The following SQSTM1 variants were observed in gnomAD, a reference collection of about 807,000 sequenced individuals.
SQSTM1 encodes the protein sequestosome-1.
Under a neutral mutation model 45.1 loss-of-function variants are expected in SQSTM1, and 36 were observed. The observed-to-expected ratio is 0.80, with a 90% CI of 0.61 to 1.05. The LOEUF is 1.05. Among genes scored for constraint, SQSTM1 ranks in the 50% least tolerant of loss-of-function variants. The probability of loss-of-function intolerance (pLI) is 0.00; values close to 1 mark genes in which losing one functional copy is unlikely to be tolerated. For synonymous variants in SQSTM1, 290 were observed against 244.3 expected (o/e 1.19, Z -1.74); for missense variants, 617 against 607.1 (o/e 1.02, Z -0.17).
At chr5:179,807,706 G>T (rs903495121) in intron 1 of SQSTM1, 2 of 152,416 alleles carry the variant, frequency 1.3e-5, no homozygotes, top group African/African-American at 4.8e-5. Context: ...AGGCTGCAGT[G>T]CAGTGGCGCA....
At position 179,809,182 on chromosome 5, in the gene SQSTM1, G is replaced by A. The variant is rs1197493499; in HGVS notation, c.-156-2392G>A. Among the ~76,000 whole-genome samples, 15 of 132,188 alleles carry A rather than the reference G, an allele frequency of 1.1e-4. No individual in the cohort carries two copies. The South Asian group carries it at 2.9e-3, about 25-fold the overall frequency. 86.7% of individuals were successfully genotyped at this position (132,188 alleles called of 152,430 possible). A position where few individuals can be genotyped will look rare whatever the true frequency, so the allele number is the denominator to read the frequency against. ...TTTTTTTTTTTTTTTTTTTTAAGAC[G>A]GAGTCTCGGTCTGTCGCCCAGGTTG... On this transcript the variant is annotated intron_variant, in intron 1 of 5. Transcript: ENST00000514093.
rs900799827 is a variant in SQSTM1, at chr5:179,836,190, T to C, written c.1166-246T>C. 1.8e-5 allele frequency: 11 copies of C among 596,540 alleles called. No homozygotes were observed. The Admixed American group carries it at 2.9e-4, about 16-fold the overall frequency. The allele number at this position is 596,540 out of a possible 1,614,324, so 37.0% of individuals were successfully genotyped here. A position where few individuals can be genotyped will look rare whatever the true frequency, so the allele number is the denominator to read the frequency against. On this transcript the variant is annotated intron_variant, in intron 7 of 7. Transcript: ENST00000389805. ...GTGAAATGCCTATTTCAGTGTCCAT[T>C]GATGGTTCTGCTTACACACCACCTG...
chr5:179,833,759 C>A lies in SQSTM1; in HGVS notation c.1142C>A (p.Ala381Asp), dbSNP rs772122047. Residue 381 changes from alanine to aspartate, a missense_variant, in exon 7 of 8, where the codon GCC becomes GAC. By Grantham distance (126) the Ala-to-Asp change is moderately radical (BLOSUM62 -2). Transcript: ENST00000389805. ...GGACCCACAGGGCTGAAGGAAGCTG[C>A]CTTGTACCCACATCTCCCGCCAGGC... is the stretch of plus-strand genomic sequence containing the variant. ...QEGPTGLKEA[A>D]LYPHLPPEAD... 1.2e-6 allele frequency: 2 copies of A among 1,613,968 alleles called. No individual in the cohort carries two copies. Among genetic ancestry groups the A allele is most frequent in the Admixed American group, 3.3e-5 (2 of 59,994 alleles).
At chr5:179,818,302 C>T (rs1210502939), upstream of SQSTM1, among the ~76,000 whole-genome samples, 1 of 152,148 alleles carries the variant, frequency 6.6e-6, no homozygotes, top group Non-Finnish European at 1.5e-5. Context: ...CAGACCAGGA[C>T]CTCTGTAGAG....
In SQSTM1 at chr5:179,836,662, G is replaced by A. The variant is rs1230196656; in HGVS notation, c.*69G>A. On this transcript the variant is annotated 3_prime_UTR_variant, in exon 8 of 8. Transcript: ENST00000389805. Reference sequence around the variant, plus strand: ...AGTTGTGTTAAGCTTGCGTAGAATTGCAGGTCTCTGTACGGGCCAGTTTCT... The same window carrying A: ...AGTTGTGTTAAGCTTGCGTAGAATTACAGGTCTCTGTACGGGCCAGTTTCT... The A allele has an allele frequency of 6.2e-7, 1 of 1,609,994 alleles. No homozygotes were observed. Among genetic ancestry groups the A allele is most frequent in the East Asian group, 2.2e-5 (1 of 44,866 alleles).
rs779531319 is a variant in SQSTM1, at chr5:179,836,610, C to G, written c.*17C>G. 11 of 1,611,570 alleles carry G rather than the reference C, an allele frequency of 6.8e-6. No homozygotes were observed. The highest frequency in any genetic ancestry group is 4.5e-5 in the East Asian group (2 of 44,896). The stretch of plus-strand genomic sequence containing the variant: ...CCGTTGTGACCACTTTTGCCCACCT[C>G]TTCTGCGTGCCCCTCTTCTGTCTCA... On this transcript the variant is annotated 3_prime_UTR_variant, in exon 8 of 8. Transcript: ENST00000389805.
chr5:179,831,030 C>T (rs561673236), intron 5 of SQSTM1, among the ~76,000 whole-genome samples: 21 of 152,176 alleles, frequency 1.4e-4, no homozygotes, highest in South Asian at 4.1e-4. Flanking sequence ...CCAGCTAAAA[C>T]GATCAAGTAT....
chr5:179,818,584 G>T (rs577939942), upstream of SQSTM1, among the ~76,000 whole-genome samples: 169 of 152,280 alleles, frequency 1.1e-3, no homozygotes, highest in African/African-American at 3.9e-3. Flanking sequence ...TGCCCCGGCT[G>T]GTCTCCTGGG....
chr5:179,816,812 C>T (rs1411853650), upstream of SQSTM1, among the ~76,000 whole-genome samples: 4 of 152,186 alleles, frequency 2.6e-5, no homozygotes, highest in Non-Finnish European at 5.9e-5. Flanking sequence ...CTTTTCAGGA[C>T]CTTGCGCACT....
At chr5:179,825,312 A>G (rs1757947262) in intron 5 of SQSTM1, 86 bp downstream of exon 5, 2 of 1,165,798 alleles carry the variant, frequency 1.7e-6, no homozygotes, top group Non-Finnish European at 2.6e-6. Context: ...AGGAATGGGT[A>G]ATTGACATGC....
intron 2 of SQSTM1, chr5:179,812,665 A>C (rs1193479164): frequency 6.6e-6 from 1 of 152,326 alleles, no homozygotes. Context: ...GGTGCAGTGC[A>C]GCAGCCAGCT....
intron 1 of SQSTM1, chr5:179,808,220 T>TGGGGCTGAGTGGAATC (rs1757269140): frequency 6.6e-6 from 1 of 152,212 alleles, no homozygotes. Context: ...GGCCCACACC[T>TGGGGCTGAGTGGAATC]GGGGCTGAGT....
In SQSTM1 at chr5:179,838,015, G is replaced by T; in HGVS notation, c.*1422G>T. On this transcript the variant is annotated 3_prime_UTR_variant, in exon 8 of 8. Coordinates refer to ENST00000389805, the MANE Select transcript of SQSTM1 (RefSeq NM_003900.5). ...TTTCTGCTGGAAGCTGTCAGGCTGG[G>T]ACAGGCTTTGATTTTGAGGGTTAGC... is the stretch of plus-strand genomic sequence containing the variant. 1.2e-6 allele frequency: 1 copy of T among 834,312 alleles called. No individual in the cohort carries two copies. The highest frequency in any genetic ancestry group is 1.8e-5 in the South Asian group (1 of 56,488). 51.7% of individuals were successfully genotyped at this position (834,312 alleles called of 1,614,324 possible). A position where few individuals can be genotyped will look rare whatever the true frequency, so the allele number is the denominator to read the frequency against.
At chr5:179,812,206 T>C (rs115594816) in intron 2 of SQSTM1, 1 of 152,282 alleles carries the variant, frequency 6.6e-6, no homozygotes, top group South Asian at 2.1e-4. Context: ...AAGGCTGTTA[T>C]GCATGCAGGG....
intron 1 of SQSTM1, among the ~76,000 whole-genome samples, chr5:179,821,919 C>T (rs1023116371): frequency 6.6e-6 from 1 of 151,588 alleles, no homozygotes; most frequent in Non-Finnish European, 1.5e-5. Flanking sequence ...TGGAGCGCTG[C>T]CAGCATACCA....
intron 1 of SQSTM1, among the ~76,000 whole-genome samples, chr5:179,822,234 G>C (rs1757810198): frequency 6.6e-6 from 1 of 152,208 alleles, no homozygotes; most frequent in Non-Finnish European, 1.5e-5. Context: ...AGTGTAATGT[G>C]TTCAGTGTTG....
intron 7 of SQSTM1, among the ~76,000 whole-genome samples, chr5:179,834,164 G>GT (rs1486792319): frequency 7.0e-6 from 1 of 142,152 alleles, no homozygotes; most frequent in Non-Finnish European, 1.5e-5. Context: ...AGAGGGGGGG[G>GT]GGTCATAGCC....
chr5:179,809,885 C>A (rs1478601050), intron 1 of SQSTM1, among the ~76,000 whole-genome samples: 3 of 151,778 alleles, frequency 2.0e-5, no homozygotes, highest in Admixed American at 6.6e-5. Context: ...CTCAGGTGAT[C>A]CACCTGCCTC....
At position 179,806,429 on chromosome 5, in the gene SQSTM1, G is replaced by C; in HGVS notation, c.-319G>C. On this transcript the variant is annotated 5_prime_UTR_variant, in exon 1 of 6. Transcript: ENST00000514093. The surrounding 1 kb of genome is among the most constrained non-coding windows in gnomAD (Gnocchi z 4.6). ...GCCTTCCGCGGCCACCGCCGGGCCC[G>C]CTCCCGCCGCCGACGCCCAGGTGCG... 2 of 1,089,690 alleles carry C rather than the reference G, an allele frequency of 1.8e-6. No homozygotes were observed. Among genetic ancestry groups the C allele is most frequent in the Non-Finnish European group, 1.1e-6 (1 of 876,988 alleles). The allele number at this position is 1,089,690 out of a possible 1,614,324, so 67.5% of individuals were successfully genotyped here. A position where few individuals can be genotyped will look rare whatever the true frequency, so the allele number is the denominator to read the frequency against.
Sources: gnomAD v4.1 joint callset for allele counts (sites outside exome capture counted in the v4.1 genomes callset) on GRCh38, gnomAD v4.1.1 for gene constraint, Gnocchi (gnomAD v3.1) non-coding constraint, MANE v1.5 for transcripts, NCBI Gene and HGNC (gene_info 2026-07-23, HGNC 2026-07-21) for gene names.